STARD9: variants seen among roughly 807,000 people sequenced by gnomAD.
The protein encoded by STARD9 is StAR related lipid transfer domain containing 9, also known as stAR-related lipid transfer protein 9.
Under a neutral mutation model 399.8 loss-of-function variants are expected in STARD9, and 346 were observed. That is an observed-to-expected ratio of 0.87 (90% CI 0.79 to 0.95). The LOEUF (loss-of-function observed/expected upper bound fraction) is 0.95. STARD9 is among the 40% of genes least tolerant of loss of function. STARD9 has a pLI of 0.00. For synonymous variants in STARD9, 2,203 were observed against 2,143.5 expected, an observed-to-expected ratio of 1.03 and a Z score of -0.77; for missense variants, 5,832 against 5,667.5, an observed-to-expected ratio of 1.03 and a Z score of -0.93.
intron 3 of STARD9, among the ~76,000 whole-genome samples, chr15:42,618,547 C>G (rs1046473808): frequency 6.6e-6 from 1 of 151,690 alleles, no homozygotes; most frequent in African/African-American, 2.4e-5. Flanking sequence ...GCATGAATGT[C>G]CTCTTCTAAT....
At chr15:42,717,662 AGACT>A in intron 28 of STARD9, 65 bp from the exon 29 acceptor site, 4 of 1,368,480 alleles carry the variant, frequency 2.9e-6, no homozygotes, top group Non-Finnish European at 4.0e-6. Context: ...GATGCAGGCC[AGACT>A]GACTAACCCA....
chr15:42,694,606 C>G lies in STARD9; in HGVS notation c.12843C>G (p.Ser4281Arg). Residue 4281 changes from serine to arginine, a missense_variant, in exon 24 of 33, where the codon AGC becomes AGG. Around this residue, in one of 2 missense-constraint regions of STARD9, gnomAD observed 5,828 missense variants for 5,651.1 expected, o/e 1.03. Transcript: ENST00000290607. The part of the protein sequence containing the change: ...LGNFCRTRSL[S>R]PQKQLSLLPN... Reference sequence around the variant, plus strand: ...ACTTCTGCCGGACGCGAAGCCTTAGCCCTCAGAAACAACTGAGCCTCCTGC... The same window carrying G: ...ACTTCTGCCGGACGCGAAGCCTTAGGCCTCAGAAACAACTGAGCCTCCTGC... 1 of 1,537,190 alleles carries G rather than the reference C, an allele frequency of 6.5e-7. No homozygotes were observed.
intron 3 of STARD9, among the ~76,000 whole-genome samples, chr15:42,591,765 G>C (rs2058399876): frequency 6.6e-6 from 1 of 152,176 alleles, no homozygotes; most frequent in African/African-American, 2.4e-5. Context: ...TAGATCAGTT[G>C]TCACCAACTA....
intron 3 of STARD9, among the ~76,000 whole-genome samples, chr15:42,590,804 G>A (rs542151119): frequency 6.6e-6 from 1 of 152,268 alleles, no homozygotes; most frequent in African/African-American, 2.4e-5. Context: ...CTCTTAAACA[G>A]TCAGCTCCAG....
chr15:42,712,384 G>A (rs1008755024), intron 26 of STARD9, among the ~76,000 whole-genome samples: 3 of 150,702 alleles, frequency 2.0e-5, no homozygotes, highest in South Asian at 2.1e-4. Context: ...TCTAAGAAAC[G>A]AGTGCCTAAT....
rs575145889 is a variant in STARD9, at chr15:42,687,534, C to G, written c.5956C>G (p.Arg1986Gly). The G allele has an allele frequency of 6.5e-7, 1 of 1,536,930 alleles. No individual in the cohort carries two copies. The highest frequency in any genetic ancestry group is 8.7e-7 in the Non-Finnish European group (1 of 1,146,794). Reference sequence around the variant, plus strand: ...AACTGGGCTTCTTGAAAAAGGTCTTCGTCCCAAAGATAGCTCAGAAGAGTT... The same window carrying G: ...AACTGGGCTTCTTGAAAAAGGTCTTGGTCCCAAAGATAGCTCAGAAGAGTT... ...NETGLLEKGL[R>G]PKDSSEEFKL... is the part of the protein sequence containing the mutation. The change falls in exon 23 of 33, where the codon CGT (arginine) becomes GGT (glycine). Residue 1986 changes from arginine (R) to glycine (G), a missense_variant. Arg to Gly is a moderately radical substitution (Grantham distance 125, BLOSUM62 -2). Around this residue, in one of 2 missense-constraint regions of STARD9, gnomAD observed 5,828 missense variants for 5,651.1 expected, o/e 1.03. Coordinates refer to ENST00000290607, the MANE Select transcript of STARD9 (RefSeq NM_020759.3).
At chr15:42,583,684 T>A (rs2058218726) in intron 2 of STARD9, among the ~76,000 whole-genome samples, 2 of 152,150 alleles carry the variant, frequency 1.3e-5, no homozygotes, top group African/African-American at 4.8e-5. Context: ...GAAAGTAAAC[T>A]TGGGATGTTT....
Position 42,681,498 on chromosome 15 carries a change from C to T in STARD9, c.1951C>T (p.Gln651Ter). Residue 651 changes from glutamine (Q) to a stop codon, truncating the protein, a stop_gained, in exon 21 of 33, where the codon CAG becomes TAG. Transcript: ENST00000290607. LOFTEE classifies it high-confidence loss of function. Reference protein sequence around the residue: ...DGETSHRAQIQQQQSYVEDLR... With the variant: ...DGETSHRAQI ...AGAGACATCCCACAGGGCCCAGATT[C>T]AGCAGCAGCAGAGCTACGTAGAGGA... The T allele has an allele frequency of 6.5e-7, 1 of 1,537,134 alleles. No homozygotes were observed. Among genetic ancestry groups the T allele is most frequent in the South Asian group, 1.2e-5 (1 of 84,050 alleles).
Position 42,689,903 on chromosome 15 carries a change from C to T in STARD9, c.8325C>T (p.Gly2775=). The T allele has an allele frequency of 6.5e-7, 1 of 1,537,682 alleles. No individual in the cohort carries two copies. The highest frequency in any genetic ancestry group is 8.7e-7 in the Non-Finnish European group (1 of 1,147,006). ...PQETAEGIPP[G]SQDSSPEHQE... ...AGACTGCAGAGGGCATACCCCCTGG[C>T]AGTCAGGACAGCAGCCCAGAGCATC... Residue 2775 remains glycine, a synonymous_variant, in exon 23 of 33, where the codon GGC becomes GGT. Transcript: ENST00000290607.
chr15:42,692,697 G>C lies in STARD9; in HGVS notation c.11119G>C (p.Glu3707Gln). The C allele has an allele frequency of 6.5e-7, 1 of 1,537,056 alleles. No individual in the cohort carries two copies. Among genetic ancestry groups the C allele is most frequent in the Non-Finnish European group, 8.7e-7 (1 of 1,146,868 alleles). The part of the protein sequence containing the change: ...SLSQPDVARR[E>Q]QNTKRDIPDK... ...CTCCCAGCCAGATGTGGCCAGAAGG[G>C]AGCAGAACACCAAGAGGGACATCCC... is the stretch of plus-strand genomic sequence containing the variant. Residue 3707 changes from glutamate to glutamine, a missense_variant, in exon 23 of 33, where the codon GAG becomes CAG. Physicochemically the swap from Glu to Gln is conservative, Grantham distance 29. This residue lies in a region of STARD9 where 5,828 missense variants were observed against 5,651.1 expected (regional missense o/e 1.03). Transcript: ENST00000290607.
chr15:42,597,970 CTGTG>C (rs149916930), intron 3 of STARD9, among the ~76,000 whole-genome samples: 43 of 139,148 alleles, frequency 3.1e-4, no homozygotes, highest in Non-Finnish European at 5.7e-4. Context: ...TGCTCCCAGC[CTGTG>C]TGTGTGTGTG....
rs759899435 is a variant in STARD9 at position 42,718,078 on chromosome 15, G to A, written c.13661G>A (p.Arg4554His). 3.3e-5 allele frequency: 51 copies of A among 1,537,128 alleles called. No individual in the cohort carries two copies. The highest frequency in any genetic ancestry group is 1.1e-4 in the South Asian group (9 of 84,062). ...GGTGTGGTGTCCCAGCCGCTGTCTC[G>A]TGTGTGGGCGGCTGTCAGTGACCCC... ...GAGVVSQPLS[R>H]VWAAVSDPTV... Residue 4554 changes from arginine (R) to histidine (H), a missense_variant, in exon 30 of 33, where the codon CGT (arginine) becomes CAT (histidine). Transcript: ENST00000290607.
intron 7 of STARD9, among the ~76,000 whole-genome samples, chr15:42,642,890 C>G (rs1459925948): frequency 6.6e-6 from 1 of 152,136 alleles, no homozygotes; most frequent in Non-Finnish European, 1.5e-5. Context: ...CCTCAAACTC[C>G]TGGACTCAGG....
At chr15:42,679,509 A>G (rs1279952283) in intron 20 of STARD9, among the ~76,000 whole-genome samples, 3 of 152,206 alleles carry the variant, frequency 2.0e-5, no homozygotes, top group African/African-American at 7.2e-5. Flanking sequence ...TTCCCTGGGA[A>G]GAGACTGTGG....
chr15:42,663,234 G>A (rs1443597153), intron 11 of STARD9, 47 bp from the exon 12 acceptor site: 2 of 1,469,746 alleles, frequency 1.4e-6, no homozygotes, highest in Admixed American at 2.1e-5. Context: ...TAATATATTT[G>A]CTTCATAATT....
chr15:42,641,050 AAGG>A (rs2059526126), intron 7 of STARD9, among the ~76,000 whole-genome samples: 1 of 152,144 alleles, frequency 6.6e-6, no homozygotes, highest in African/African-American at 2.4e-5. Flanking sequence ...AAGAACCTGG[AAGG>A]AGACCTAGGT....
intron 2 of STARD9, among the ~76,000 whole-genome samples, chr15:42,584,452 A>T (rs1566850752): frequency 6.6e-6 from 1 of 152,216 alleles, no homozygotes; most frequent in African/African-American, 2.4e-5. Flanking sequence ...CTCAGCCAAG[A>T]TCAAACTTTA....
At chr15:42,575,794 T>G (rs1311230439) in intron 1 of STARD9, 32 bp downstream of exon 1, 1 of 1,535,516 alleles carries the variant, frequency 6.5e-7, no homozygotes, top group East Asian at 2.4e-5. Flanking sequence ...CGCCTGAGGC[T>G]TCACAGGAGC....
intron 1 of STARD9, chr15:42,581,109 A>G (rs181784293): frequency 8.6e-6 from 6 of 700,300 alleles, no homozygotes; most frequent in Admixed American, 3.8e-5. Context: ...CTTTTCTTCT[A>G]ATCCTTGCAG....
Sources: allele counts gnomAD v4.1 joint callset (sites outside exome capture counted in the v4.1 genomes callset), GRCh38; gene constraint gnomAD v4.1.1; regional missense constraint gnomAD v4.1.1; transcripts MANE v1.5; gene names NCBI Gene and HGNC (gene_info 2026-07-23, HGNC 2026-07-21).